Variants in KMT2C observed in about 807,000 individuals in gnomAD.
KMT2C encodes the protein lysine methyltransferase 2C.
In KMT2C, 88 loss-of-function variants were observed where a neutral mutation model predicts 507.9. That is an observed-to-expected ratio of 0.17 (90% CI 0.15 to 0.21). KMT2C has a LOEUF of 0.21. Ranked by LOEUF, KMT2C falls within the 10% of genes least tolerant of loss-of-function variation. The probability of loss-of-function intolerance (pLI) is 1.00; values close to 1 mark genes in which losing one functional copy is unlikely to be tolerated. For synonymous variants in KMT2C, 2,049 were observed against 2,080.8 expected, an observed-to-expected ratio of 0.98 and a Z score of 0.42; for missense variants, 4,954 against 5,957.8, an observed-to-expected ratio of 0.83 and a Z score of 5.55.
intron 1 of KMT2C, among the ~76,000 whole-genome samples, chr7:152,420,984 A>C (rs10952351): frequency 0.099 from 15,051 of 151,984 alleles, 1,735 homozygotes; most frequent in African/African-American, 0.28. Context: ...CAAACCTGCA[A>C]GTTGTGCACA....
intron 27 of KMT2C, 79 bp from the exon 28 acceptor site, chr7:152,196,090 G>T: frequency 1.5e-6 from 1 of 683,110 alleles, no homozygotes; most frequent in Non-Finnish European, 2.3e-6. Flanking sequence ...CTAGAGTACA[G>T]CAGATACTGA....
chr7:152,195,915 TC>T lies in KMT2C; in HGVS notation c.4369del (p.Asp1457IlefsTer27). 1 of 1,577,328 alleles carries T rather than the reference TC, an allele frequency of 6.3e-7. No homozygotes were observed. The highest frequency in any genetic ancestry group is 8.7e-7 in the Non-Finnish European group (1 of 1,148,888). On this transcript the variant is annotated frameshift_variant, in exon 28 of 59. Coordinates refer to ENST00000262189, the MANE Select transcript of KMT2C (RefSeq NM_170606.3). LOFTEE classifies it high-confidence loss of function. Reference sequence around the variant, plus strand: ...ACAGTATTCATATATACCTGAATGATCAACTGATTTTGCTAGATCATCTGAA... The same window carrying T: ...ACAGTATTCATATATACCTGAATGATAACTGATTTTGCTAGATCATCTGAA... Reference protein sequence around the residue: ...IISDDLAKSVDHSDIGPVTDD... With the variant: ...IISDDLAKSVXHSDIGPVTDD...
At chr7:152,156,163 CA>C (rs1229109862) in intron 45 of KMT2C, 41 bp downstream of exon 45, 9 of 1,607,320 alleles carry the variant, frequency 5.6e-6, no homozygotes. Flanking sequence ...CTGGCAGAGG[CA>C]CATTTCTCCG....
rs1290863779 is a variant in KMT2C, at chr7:152,181,487, G to T, written c.6373C>A (p.Pro2125Thr). Residue 2125 changes from proline to threonine, a missense_variant, in exon 36 of 59, where the codon CCA becomes ACA. Physicochemically the swap from Pro to Thr is conservative, Grantham distance 38 (BLOSUM62 -1). Around this residue, in one of 29 missense-constraint regions of KMT2C, gnomAD observed 1,689 missense variants for 1,654.3 expected, o/e 1.02. Transcript: ENST00000262189. Reference protein sequence around the residue: ...AFSQPGTISRPTSQDPYSQPP... With the variant: ...AFSQPGTISRTTSQDPYSQPP... ...TGGGAGTATGGGTCCTGAGATGTTG[G>T]CCTTGATATGGTTCCAGGCTGGGAA... 6.2e-7 allele frequency: 1 copy of T among 1,613,942 alleles called. No homozygotes were observed.
chr7:152,336,335 C>T (rs1421488707), intron 2 of KMT2C, among the ~76,000 whole-genome samples: 1 of 152,160 alleles, frequency 6.6e-6, no homozygotes, highest in Middle Eastern at 3.2e-3. Context: ...GGCAGGACAA[C>T]TGAGTGTTTA....
Position 152,330,563 on chromosome 7 carries a change from G to C in KMT2C, c.389+38C>G, listed in dbSNP as rs201064397. 1,762 of 1,593,094 alleles carry C rather than the reference G, an allele frequency of 1.1e-3. 8 individuals carry two copies. Among genetic ancestry groups the C allele is most frequent in the Non-Finnish European group, 1.1e-3 (1,288 of 1,161,572 alleles). Reference sequence around the variant, plus strand: ...ATAGTCATTTCACTGCTTTATTCCTGTCACTAATATCCAATCCAGCTGCAT... The same window carrying C: ...ATAGTCATTTCACTGCTTTATTCCTCTCACTAATATCCAATCCAGCTGCAT... On this transcript the variant is annotated intron_variant, in intron 3 of 58. Transcript: ENST00000262189.
chr7:152,350,517 T>C (rs2097102171), intron 2 of KMT2C, among the ~76,000 whole-genome samples: 1 of 152,240 alleles, frequency 6.6e-6, no homozygotes, highest in African/African-American at 2.4e-5. Flanking sequence ...CATGTTACTG[T>C]ACGCAACTAT....
intron 1 of KMT2C, among the ~76,000 whole-genome samples, chr7:152,391,399 G>A (rs560707436): frequency 7.3e-5 from 11 of 150,222 alleles, no homozygotes; most frequent in Non-Finnish European, 1.6e-4. Flanking sequence ...CTGCCACCAC[G>A]CCTAGCTAGT....
intron 9 of KMT2C, among the ~76,000 whole-genome samples, chr7:152,258,141 A>G (rs2095693680): frequency 6.6e-6 from 1 of 152,210 alleles, no homozygotes; most frequent in African/African-American, 2.4e-5. Context: ...GACTTATTCC[A>G]GGGCTGGGGC....
intron 39 of KMT2C, among the ~76,000 whole-genome samples, chr7:152,172,111 A>G (rs1166824405): frequency 1.3e-5 from 2 of 152,232 alleles, no homozygotes; most frequent in Non-Finnish European, 2.9e-5. Context: ...ATTAGGATAT[A>G]GAATATGTTT....
chr7:152,385,611 CAAAAAAAAAAAAAAAAAAAAAAA>C (rs1160527130), intron 1 of KMT2C, among the ~76,000 whole-genome samples: 14 of 19,440 alleles, frequency 7.2e-4, no homozygotes, highest in South Asian at 2.5e-3. Context: ...GACTCCGTCT[CAAAAAAAAAAAAAAAAAAAAAAA>C]AAAAAAAAAA....
intron 1 of KMT2C, among the ~76,000 whole-genome samples, chr7:152,400,003 G>A (rs1271701014): frequency 6.6e-6 from 1 of 152,030 alleles, no homozygotes; most frequent in Non-Finnish European, 1.5e-5. Flanking sequence ...CAGCTATAGA[G>A]AAAACAAAGA....
At chr7:152,172,206 A>G (rs2092994098) in intron 39 of KMT2C, among the ~76,000 whole-genome samples, 1 of 152,208 alleles carries the variant, frequency 6.6e-6, no homozygotes, top group Admixed American at 6.5e-5. Context: ...TAATCTGAAT[A>G]TCACACATGG....
intron 1 of KMT2C, among the ~76,000 whole-genome samples, chr7:152,364,561 A>T (rs1265479090): frequency 6.6e-6 from 1 of 150,576 alleles, no homozygotes; most frequent in Non-Finnish European, 1.5e-5. Flanking sequence ...GTGAGCCGAG[A>T]TTACACCACT....
chr7:152,307,862 C>T (rs1392014389), intron 6 of KMT2C, among the ~76,000 whole-genome samples: 6 of 152,156 alleles, frequency 3.9e-5, no homozygotes, highest in African/African-American at 7.2e-5. Flanking sequence ...TCAAACACTA[C>T]GAGTTTATAT....
At chr7:152,284,831 C>T (rs2096270600) in intron 6 of KMT2C, among the ~76,000 whole-genome samples, 1 of 152,326 alleles carries the variant, frequency 6.6e-6, no homozygotes, top group South Asian at 2.1e-4. Flanking sequence ...AATTAATCAT[C>T]AGGGAATGCA....
chr7:152,209,032 G>A (rs529302522), intron 23 of KMT2C, among the ~76,000 whole-genome samples: 7 of 152,072 alleles, frequency 4.6e-5, no homozygotes, highest in South Asian at 2.1e-4. Flanking sequence ...GGTGGTACAC[G>A]CCTAAAAGCC....
At chr7:152,312,492 T>C (rs542375984) in intron 4 of KMT2C, among the ~76,000 whole-genome samples, 1 of 152,324 alleles carries the variant, frequency 6.6e-6, no homozygotes, top group East Asian at 1.9e-4. Flanking sequence ...AGCTTTCTTA[T>C]GGTCCCGTCA....
intron 6 of KMT2C, among the ~76,000 whole-genome samples, chr7:152,299,566 T>C (rs988702762): frequency 1.3e-5 from 2 of 151,840 alleles, no homozygotes; most frequent in African/African-American, 4.8e-5. Context: ...GGTAGATCAC[T>C]TGAGCCTAGC....
Sources: allele counts gnomAD v4.1 joint callset (sites outside exome capture counted in the v4.1 genomes callset), GRCh38; gene constraint gnomAD v4.1.1; regional missense constraint gnomAD v4.1.1; transcripts MANE v1.5; gene names NCBI Gene and HGNC (gene_info 2026-07-23, HGNC 2026-07-21).